Variants in PREP observed in about 807,000 individuals in gnomAD.
The protein encoded by PREP is dJ355L5.1 (prolyl endopeptidase).
Under a neutral mutation model 87.6 loss-of-function variants are expected in PREP, and 29 were observed. The observed-to-expected ratio is 0.33, with a 90% CI of 0.25 to 0.45. The LOEUF (loss-of-function observed/expected upper bound fraction) is 0.45. Ranked by LOEUF, PREP falls within the 20% of genes least tolerant of loss-of-function variation. The probability of loss-of-function intolerance (pLI) is 1.00; values close to 1 mark genes in which losing one functional copy is unlikely to be tolerated. For missense variants in PREP, 695 were observed against 886.5 expected, an observed-to-expected ratio of 0.78 and a Z score of 2.74; for synonymous variants, 337 against 328.6, an observed-to-expected ratio of 1.03 and a Z score of -0.28.
At chr6:105,317,525 A>G (rs1208142628) in intron 10 of PREP, among the ~76,000 whole-genome samples, 1 of 152,226 alleles carries the variant, frequency 6.6e-6, no homozygotes, top group African/African-American at 2.4e-5. Context: ...CCAGAATCAT[A>G]TTAGTGGAAA....
chr6:105,354,599 G>A (rs1478398871), intron 6 of PREP, among the ~76,000 whole-genome samples: 1 of 151,872 alleles, frequency 6.6e-6, no homozygotes, highest in Non-Finnish European at 1.5e-5. Flanking sequence ...CATAATGTGG[G>A]TGGGACTCAT....
chr6:105,363,555 CTT>C (rs1376455815), intron 6 of PREP, among the ~76,000 whole-genome samples: 2 of 152,194 alleles, frequency 1.3e-5, no homozygotes, highest in Non-Finnish European at 2.9e-5. Flanking sequence ...CAAGGGAGCT[CTT>C]GTTCCTGAGC....
intron 6 of PREP, among the ~76,000 whole-genome samples, chr6:105,367,456 G>A (rs1243228685): frequency 6.6e-6 from 1 of 152,128 alleles, no homozygotes; most frequent in Non-Finnish European, 1.5e-5. Flanking sequence ...GGCGGATCAC[G>A]AGGTCAGGAG....
chr6:105,362,721 T>C (rs1476251472), intron 6 of PREP, among the ~76,000 whole-genome samples: 2 of 152,178 alleles, frequency 1.3e-5, no homozygotes, highest in African/African-American at 2.4e-5. Flanking sequence ...GTGAATATTA[T>C]CACATAAGGC....
chr6:105,388,638 T>G (rs1773062833), intron 2 of PREP, among the ~76,000 whole-genome samples: 1 of 152,174 alleles, frequency 6.6e-6, no homozygotes, highest in African/African-American at 2.4e-5. Context: ...AGAAGTATGT[T>G]TACAAACTGT....
intron 6 of PREP, among the ~76,000 whole-genome samples, chr6:105,355,032 T>C (rs75191441): frequency 0.061 from 9,171 of 151,496 alleles, 286 homozygotes; most frequent in Middle Eastern, 0.12. Flanking sequence ...TTATGATAAA[T>C]GCCATGGAAA....
chr6:105,394,728 C>T (rs1233366573), intron 2 of PREP, among the ~76,000 whole-genome samples: 1 of 152,124 alleles, frequency 6.6e-6, no homozygotes, highest in Non-Finnish European at 1.5e-5. Flanking sequence ...TGGCTGGAGC[C>T]CAGAAGATGG....
intron 10 of PREP, among the ~76,000 whole-genome samples, chr6:105,312,897 G>A (rs114974345): frequency 8.3e-4 from 126 of 152,288 alleles, no homozygotes; most frequent in African/African-American, 2.9e-3. Flanking sequence ...GCGGCTGTAT[G>A]AAGAAGAGCA....
At chr6:105,302,392 T>G (rs17065778) in intron 10 of PREP, 13,246 of 218,486 alleles carry the variant, frequency 0.061, 570 homozygotes, top group South Asian at 0.12. Flanking sequence ...GAATTGCATA[T>G]TAAATACACA....
chr6:105,314,808 T>C (rs1414630841), intron 10 of PREP, among the ~76,000 whole-genome samples: 4 of 152,168 alleles, frequency 2.6e-5, no homozygotes, highest in African/African-American at 9.7e-5. Context: ...TCTAGAATGG[T>C]GAATCCTGTC....
At chr6:105,285,342 G>A in intron 12 of PREP, 144 bp downstream of exon 12, 1 of 652,908 alleles carries the variant, frequency 1.5e-6, no homozygotes, top group South Asian at 2.2e-5. Flanking sequence ...TGGTGCCTGT[G>A]TCTGATAATA....
At position 105,285,724 on chromosome 6, in the gene PREP, GAT is replaced by G. The variant is rs1770177559; in HGVS notation, c.1455-146_1455-145del. 3 of 636,690 alleles carry G rather than the reference GAT, an allele frequency of 4.7e-6. No homozygotes were observed. The East Asian group carries it at 8.3e-5, about 18-fold the overall frequency. 39.4% of individuals were successfully genotyped at this position (636,690 alleles called of 1,614,324 possible). The stretch of plus-strand genomic sequence containing the variant: ...GAGCTTGACATTTCTTTTATTGCTT[GAT>G]TAAAGTGAAAAACACATAACTTCCT... On this transcript the variant is annotated intron_variant, in intron 11 of 14. Coordinates refer to ENST00000652536, the MANE Select transcript of PREP (RefSeq NM_002726.5).
intron 10 of PREP, among the ~76,000 whole-genome samples, chr6:105,313,228 A>G (rs745426082): frequency 1.3e-5 from 2 of 152,062 alleles, no homozygotes; most frequent in Non-Finnish European, 2.9e-5. Context: ...TCCTTTAGGG[A>G]GATAATGGAA....
At chr6:105,318,772 C>T (rs1054424988) in intron 10 of PREP, among the ~76,000 whole-genome samples, 1 of 152,202 alleles carries the variant, frequency 6.6e-6, no homozygotes, top group African/African-American at 2.4e-5. Flanking sequence ...TCACTCTTCA[C>T]TAAAACGTTC....
Position 105,323,687 on chromosome 6 carries a change from G to A in PREP, c.1295C>T (p.Ala432Val). 2.5e-6 allele frequency: 4 copies of A among 1,611,718 alleles called. No individual in the cohort carries two copies. Among genetic ancestry groups the A allele is most frequent in the Non-Finnish European group, 3.4e-6 (4 of 1,177,776 alleles). The change falls in exon 10 of 15, where the codon GCT (alanine) becomes GTT (valine). Residue 432 changes from alanine to valine, a missense_variant. Coordinates refer to ENST00000652536, the MANE Select transcript of PREP (RefSeq NM_002726.5). The part of the protein sequence containing the change: ...FREVTVKGID[A>V]SDYQTVQIFY... ...TACCTGGACTGTCTGGTAATCAGAA[G>A]CATCAATTCCTTTTACGGTCACCTC... is the stretch of plus-strand genomic sequence containing the variant.
intron 10 of PREP, among the ~76,000 whole-genome samples, chr6:105,299,884 C>T (rs1488322121): frequency 6.6e-6 from 1 of 150,704 alleles, no homozygotes; most frequent in East Asian, 2.0e-4. Context: ...GATGCTATCC[C>T]TTATTTGCTT....
Position 105,299,060 on chromosome 6 carries a change from G to T in PREP, c.1318-10166C>A, listed in dbSNP as rs117839413. ...TGTAAGGAACCACACCCTTCATGAA[G>T]CCCACACTGATTCTTGATAGAGGGC... On this transcript the variant is annotated intron_variant, in intron 10 of 14. Coordinates refer to ENST00000652536, the MANE Select transcript of PREP (RefSeq NM_002726.5). Among the ~76,000 whole-genome samples, 1,515 of 152,306 alleles carry T rather than the reference G, an allele frequency of 9.9e-3. 8 individuals carry two copies. The highest frequency in any genetic ancestry group is 0.015 in the Non-Finnish European group (1,020 of 68,030).
At position 105,377,441 on chromosome 6, in the gene PREP, T is replaced by G; in HGVS notation, c.199A>C (p.Met67Leu). 6.2e-7 allele frequency: 1 copy of G among 1,613,724 alleles called. No individual in the cohort carries two copies. Among genetic ancestry groups the G allele is most frequent in the Non-Finnish European group, 8.5e-7 (1 of 1,179,644 alleles). ...TTGGGATAATCATATAGTTCAGTCA[T>G]TCTCTCTTTGTATAAACCTCTGATG... ...CPIRGLYKER[M>L]TELYDYPKYS... The change falls in exon 3 of 15, where the codon ATG becomes CTG. Residue 67 changes from methionine (M) to leucine (L), a missense_variant. By Grantham distance (15) the Met-to-Leu change is conservative. Around this residue, in one of 5 missense-constraint regions of PREP, gnomAD observed 517 missense variants for 620.3 expected, o/e 0.83. Transcript: ENST00000652536.
intron 7 of PREP, among the ~76,000 whole-genome samples, chr6:105,334,734 A>G (rs1378679547): frequency 1.3e-5 from 2 of 151,882 alleles, no homozygotes; most frequent in East Asian, 1.9e-4. Context: ...AACAACAACA[A>G]CAACAGAGAT....
Sources: gnomAD v4.1 joint callset for allele counts (sites outside exome capture counted in the v4.1 genomes callset) on GRCh38, gnomAD v4.1.1 for gene constraint, gnomAD v4.1.1 regional missense constraint, MANE v1.5 for transcripts, NCBI Gene and HGNC (gene_info 2026-07-23, HGNC 2026-07-21) for gene names.